The following NCOA3 variants were observed in gnomAD, a reference collection of about 807,000 sequenced individuals.
NCOA3 encodes the protein CBP-interacting protein.
Under a neutral mutation model 158.8 loss-of-function variants are expected in NCOA3, and 51 were observed. The observed-to-expected ratio is 0.32, with a 90% CI of 0.26 to 0.41. The LOEUF is 0.41. Among genes scored for constraint, NCOA3 ranks in the 10% least tolerant of loss-of-function variants. The pLI, the probability that NCOA3 is intolerant of heterozygous loss-of-function variation, is 1.00. For synonymous variants in NCOA3, 537 were observed against 592.4 expected, an observed-to-expected ratio of 0.91 and a Z score of 1.36; for missense variants, 1,510 against 1,746.6, an observed-to-expected ratio of 0.86 and a Z score of 2.41.
intron 1 of NCOA3, among the ~76,000 whole-genome samples, chr20:47,502,778 C>T (rs1383875808): frequency 1.3e-5 from 2 of 150,062 alleles, no homozygotes; most frequent in African/African-American, 4.9e-5. Context: ...AAATAAACTG[C>T]TTGTCTTGTA....
intron 1 of NCOA3, among the ~76,000 whole-genome samples, chr20:47,573,476 C>CT (rs1433841841): frequency 3.3e-5 from 5 of 152,080 alleles, no homozygotes; most frequent in Non-Finnish European, 7.4e-5. Context: ...GAAAAAGCTT[C>CT]TTGAGATAAT....
intron 2 of NCOA3, among the ~76,000 whole-genome samples, chr20:47,613,586 CCT>C (rs1318700822): frequency 6.6e-6 from 1 of 151,372 alleles, no homozygotes; most frequent in Non-Finnish European, 1.5e-5. Context: ...AAAAAATTTC[CCT>C]CTCTGACAGA....
At chr20:47,508,604 G>T (rs1454452586) in intron 1 of NCOA3, among the ~76,000 whole-genome samples, 8 of 152,154 alleles carry the variant, frequency 5.3e-5, no homozygotes, top group Non-Finnish European at 1.0e-4. Flanking sequence ...GAAATCTAAA[G>T]CCATATTATT....
In NCOA3 at chr20:47,647,914, G is replaced by GTTTT. The variant is rs1445300112; in HGVS notation, c.3546+549_3546+552dup. On this transcript the variant is annotated intron_variant, in intron 18 of 22. Transcript: ENST00000371998. Reference sequence around the variant, plus strand: ...TTTTTTTTGTTTGTTTGTTTGTTTTGTTTTGTTTTTTTTTTTTTGAGGTGG... The same window carrying GTTTT: ...TTTTTTTTGTTTGTTTGTTTGTTTTGTTTTTTTTGTTTTTTTTTTTTTGAGGTGG... Among the ~76,000 whole-genome samples the GTTTT allele has an allele frequency of 4.8e-5, 6 of 126,050 alleles. 1 individual carries two copies. The highest frequency in any genetic ancestry group is 2.5e-4 in the South Asian group (1 of 4,060). 82.7% of individuals were successfully genotyped at this position (126,050 alleles called of 152,430 possible).
chr20:47,633,698 T>C, intron 9 of NCOA3, 62 bp downstream of exon 9: 1 of 1,549,146 alleles, frequency 6.5e-7, no homozygotes, highest in East Asian at 2.2e-5. Context: ...GGCCTTGCTA[T>C]CTTGCCCAGG....
chr20:47,609,728 CAA>C (rs750713739), intron 2 of NCOA3, among the ~76,000 whole-genome samples: 8 of 80,834 alleles, frequency 9.9e-5, no homozygotes, highest in South Asian at 4.0e-4. Context: ...GACTCCGTCT[CAA>C]AAAAAAAAAA....
chr20:47,558,824 T>A (rs1466506013), intron 1 of NCOA3, among the ~76,000 whole-genome samples: 1 of 112,222 alleles, frequency 8.9e-6, no homozygotes, highest in Non-Finnish European at 1.8e-5. Context: ...TTTTCACTTT[T>A]TTTTTTTTTT....
chr20:47,587,817 C>T (rs1391608123), intron 2 of NCOA3, among the ~76,000 whole-genome samples: 1 of 152,048 alleles, frequency 6.6e-6, no homozygotes, highest in African/African-American at 2.4e-5. Context: ...AAATCATGAG[C>T]TTATATCAGT....
rs191876986 is a variant in NCOA3 at position 47,610,354 on chromosome 20, G to A, written c.-19-11875G>A. On this transcript the variant is annotated intron_variant, in intron 2 of 22. Coordinates refer to ENST00000371998, the MANE Select transcript of NCOA3 (RefSeq NM_181659.3). ...CTTACCTGAGCTTCCTAAATAGCTG[G>A]GACCACAGGCACATGCTGCCATGCC... Among the ~76,000 whole-genome samples the A allele has an allele frequency of 2.6e-5, 4 of 152,096 alleles. No homozygotes were observed. In the East Asian group the frequency reaches 5.8e-4, roughly 22 times the overall value.
intron 1 of NCOA3, among the ~76,000 whole-genome samples, chr20:47,535,661 C>T (rs1430658801): frequency 6.6e-6 from 1 of 152,078 alleles, no homozygotes; most frequent in East Asian, 1.9e-4. Flanking sequence ...GCATGCACCA[C>T]CACATCTGGC....
chr20:47,606,294 TG>T (rs2085946744), intron 2 of NCOA3, among the ~76,000 whole-genome samples: 1 of 152,240 alleles, frequency 6.6e-6, no homozygotes, highest in African/African-American at 2.4e-5. Flanking sequence ...GGGTTCTACA[TG>T]GTTAAGACTA....
At chr20:47,502,484 C>T (rs1168106303) in intron 1 of NCOA3, among the ~76,000 whole-genome samples, 1 of 152,182 alleles carries the variant, frequency 6.6e-6, no homozygotes, top group Non-Finnish European at 1.5e-5. Flanking sequence ...CCACCCCAGC[C>T]TCCCAGCCGG....
intron 1 of NCOA3, among the ~76,000 whole-genome samples, chr20:47,576,809 C>G (rs1465627675): frequency 6.6e-6 from 1 of 152,208 alleles, no homozygotes; most frequent in East Asian, 1.9e-4. Flanking sequence ...ACGCCTTCCA[C>G]TGGTGGAGCC....
chr20:47,639,235 T>G, intron 14 of NCOA3, 33 bp downstream of exon 14: 1 of 1,544,740 alleles, frequency 6.5e-7, no homozygotes, highest in Non-Finnish European at 8.9e-7. Flanking sequence ...GTATGATTAT[T>G]TTGGGAAAAG....
chr20:47,523,737 A>G (rs1036507461), intron 1 of NCOA3, among the ~76,000 whole-genome samples: 1 of 152,232 alleles, frequency 6.6e-6, no homozygotes, highest in Non-Finnish European at 1.5e-5. Flanking sequence ...AAAAAGTCCT[A>G]GCGGACTCAG....
chr20:47,537,717 C>G lies in NCOA3; in HGVS notation c.-99+35698C>G, dbSNP rs1419844220. Among the ~76,000 whole-genome samples the G allele has an allele frequency of 2.6e-5, 4 of 151,592 alleles. No homozygotes were observed. The East Asian group carries it at 7.7e-4, about 29-fold the overall frequency. ...GCCTCAGCCTCCTGAGTATCTGGGA[C>G]TACAGGTCCTTGTCACCACACCCGG... On this transcript the variant is annotated intron_variant, in intron 1 of 22. Coordinates refer to ENST00000371998, the MANE Select transcript of NCOA3 (RefSeq NM_181659.3).
At chr20:47,641,156 CA>C in intron 16 of NCOA3, among the ~76,000 whole-genome samples, 1 of 152,126 alleles carries the variant, frequency 6.6e-6, no homozygotes, top group African/African-American at 2.4e-5. Flanking sequence ...TTTTCTGAGG[CA>C]GGATAAATGT....
At chr20:47,622,182 G>A (rs964650453) in intron 2 of NCOA3, 47 bp from the exon 3 acceptor site, 5 of 1,000,040 alleles carry the variant, frequency 5.0e-6, no homozygotes, top group Admixed American at 2.1e-5. Context: ...ATAGAGTCAT[G>A]TATATTTTTT....
intron 1 of NCOA3, among the ~76,000 whole-genome samples, chr20:47,564,430 G>A: frequency 6.6e-6 from 1 of 152,048 alleles, no homozygotes. Context: ...CCTGTCATGT[G>A]CAAGTTACTG....
Sources: gnomAD v4.1 joint callset for allele counts (sites outside exome capture counted in the v4.1 genomes callset) on GRCh38, gnomAD v4.1.1 for gene constraint, MANE v1.5 for transcripts, NCBI Gene and HGNC (gene_info 2026-07-23, HGNC 2026-07-21) for gene names.